MRC1: variants seen among roughly 807,000 people sequenced by gnomAD.
MRC1 encodes the protein macrophage mannose receptor 1.
Under a neutral mutation model 102.9 loss-of-function variants are expected in MRC1, and 62 were observed. The observed-to-expected ratio is 0.60, with a 90% CI of 0.49 to 0.74. The LOEUF is 0.74. Among genes scored for constraint, MRC1 ranks in the 30% least tolerant of loss-of-function variants. The pLI, the probability that MRC1 is intolerant of heterozygous loss-of-function variation, is 0.00. For synonymous variants in MRC1, 457 were observed against 298.4 expected (o/e 1.53, Z -5.48); for missense variants, 1,237 against 862.8 (o/e 1.43, Z -5.43).
At chr10:17,891,457 C>T (rs1474633488) in intron 22 of MRC1, among the ~76,000 whole-genome samples, 5 of 152,240 alleles carry the variant, frequency 3.3e-5, no homozygotes, top group East Asian at 3.9e-4. Context: ...TGAGCCATTG[C>T]GCCCGGTGCT....
chr10:17,885,983 C>A (rs992125062), intron 22 of MRC1, among the ~76,000 whole-genome samples: 3 of 152,134 alleles, frequency 2.0e-5, no homozygotes, highest in Non-Finnish European at 4.4e-5. Context: ...TTATCAACAT[C>A]AACACCATGT....
chr10:17,826,735 T>C (rs1053820842), intron 2 of MRC1, among the ~76,000 whole-genome samples: 14 of 152,232 alleles, frequency 9.2e-5, no homozygotes, highest in African/African-American at 3.1e-4. Flanking sequence ...AATGATTCTG[T>C]GTTTGTTTCA....
intron 3 of MRC1, among the ~76,000 whole-genome samples, chr10:17,831,711 A>C (rs1838576143): frequency 6.6e-6 from 1 of 151,656 alleles, no homozygotes; most frequent in African/African-American, 2.4e-5. Context: ...TGAAAAGATC[A>C]TTACTTCACA....
intron 6 of MRC1, among the ~76,000 whole-genome samples, chr10:17,849,316 A>G (rs542510355): frequency 2.1e-4 from 31 of 151,134 alleles, no homozygotes; most frequent in South Asian, 4.2e-4. Context: ...AAAAAAAAAA[A>G]AAAGAAAGAA....
Position 17,910,295 on chromosome 10 carries a change from A to T in MRC1, c.4201A>T (p.Thr1401Ser), listed in dbSNP as rs1833951703. ...CATCATTGTGATCCTCCTGATTTTA[A>T]CGGGTGCTGGCCTTGCCGCCTATTT... ...VVIIVILLIL[T>S]GAGLAAYFFY... Residue 1401 changes from threonine to serine, a missense_variant, in exon 30 of 30, where the codon ACG (threonine) becomes TCG (serine). By Grantham distance (58) the Thr-to-Ser change is moderately conservative. Coordinates refer to ENST00000569591, the MANE Select transcript of MRC1 (RefSeq NM_002438.4). 2.6e-6 allele frequency: 2 copies of T among 780,806 alleles called. No individual in the cohort carries two copies. The highest frequency in any genetic ancestry group is 4.8e-6 in the Non-Finnish European group (2 of 417,948). The allele number at this position is 780,806 out of a possible 1,614,324, so 48.4% of individuals were successfully genotyped here.
chr10:17,897,070 T>C (rs1833765438), intron 23 of MRC1, among the ~76,000 whole-genome samples: 1 of 152,306 alleles, frequency 6.6e-6, no homozygotes, highest in Middle Eastern at 3.4e-3. Flanking sequence ...AAGACTTTAT[T>C]TATGGACACA....
At chr10:17,820,741 C>G (rs1049297544) in intron 1 of MRC1, among the ~76,000 whole-genome samples, 1 of 151,966 alleles carries the variant, frequency 6.6e-6, no homozygotes, top group Non-Finnish European at 1.5e-5. Context: ...AATTTAGAGG[C>G]TAGTATAGTG....
chr10:17,856,215 T>G, intron 8 of MRC1, 27 bp from the exon 9 acceptor site: 1 of 825,192 alleles, frequency 1.2e-6, no homozygotes, highest in Non-Finnish European at 2.1e-6. Flanking sequence ...AATCCTTTAT[T>G]TTTTTCTCTC....
At position 17,910,338 on chromosome 10, in the gene MRC1, G is replaced by A. The variant is rs1009354996; in HGVS notation, c.4244G>A (p.Arg1415His). ...LAAYFFYKKR[R>H]VHLPQEGAFE... is the part of the protein sequence containing the mutation. ...GCCTATTTCTTTTATAAGAAAAGAC[G>A]TGTGCACCTACCTCAAGAGGGCGCC... Residue 1415 changes from arginine (R) to histidine (H), a missense_variant, in exon 30 of 30, where the codon CGT becomes CAT. Arg to His is a conservative substitution (Grantham distance 29, BLOSUM62 0). Transcript: ENST00000569591. 126,405 of 780,630 alleles carry A rather than the reference G, an allele frequency of 0.16. 12,538 individuals carry two copies. The highest frequency in any genetic ancestry group is 0.21 in the Non-Finnish European group (87,815 of 417,938). The allele number at this position is 780,630 out of a possible 1,614,324, so 48.4% of individuals were successfully genotyped here. A position where few individuals can be genotyped will look rare whatever the true frequency, so the allele number is the denominator to read the frequency against.
intron 9 of MRC1, among the ~76,000 whole-genome samples, chr10:17,859,398 A>C (rs1833145113): frequency 6.6e-6 from 1 of 150,654 alleles, no homozygotes; most frequent in Admixed American, 6.6e-5. Flanking sequence ...GCTCAGCGCA[A>C]CCTCTACCAC....
At chr10:17,814,746 C>T (rs1191961687) in intron 1 of MRC1, among the ~76,000 whole-genome samples, 3 of 138,214 alleles carry the variant, frequency 2.2e-5, no homozygotes, top group African/African-American at 2.8e-5. Context: ...AGTGCAGTGG[C>T]GCCATCTCGG....
In MRC1 at chr10:17,884,378, A is replaced by C. The variant is rs1324755273; in HGVS notation, c.2981-891A>C. Among the ~76,000 whole-genome samples, 9 of 152,274 alleles carry C rather than the reference A, an allele frequency of 5.9e-5. No homozygotes were observed. In the East Asian group the frequency reaches 1.2e-3, roughly 20 times the overall value. ...CCCCACCTCCCCAGGAGGAATCTCA[A>C]TTGGGAAACTTTTGGTTTGGCAATC... On this transcript the variant is annotated intron_variant, in intron 21 of 29. Coordinates refer to ENST00000569591, the MANE Select transcript of MRC1 (RefSeq NM_002438.4).
Position 17,870,893 on chromosome 10 carries a change from T to C in MRC1, c.2157T>C (p.Tyr719=), listed in dbSNP as rs879013221. ...YHKLFWLGLT[Y]GSPSEGFTWS... is the part of the protein sequence containing the mutation. Reference sequence around the variant, plus strand: ...AACTGTTTTGGTTGGGATTGACATATGGAAGCCCTTCAGAAGGTTTTACTT... The same window carrying C: ...AACTGTTTTGGTTGGGATTGACATACGGAAGCCCTTCAGAAGGTTTTACTT... Residue 719 remains tyrosine (Y), a synonymous_variant, in exon 14 of 30, where the codon TAT becomes TAC. Transcript: ENST00000569591. 10,489 of 872,370 alleles carry C rather than the reference T, an allele frequency of 0.012. 89 individuals are homozygous for C. The highest frequency in any genetic ancestry group is 0.017 in the Non-Finnish European group (8,404 of 501,144). 54.0% of individuals were successfully genotyped at this position (872,370 alleles called of 1,614,324 possible).
intron 28 of MRC1, among the ~76,000 whole-genome samples, chr10:17,908,460 A>T (rs1181714864): frequency 8.6e-5 from 13 of 151,478 alleles, no homozygotes; most frequent in Non-Finnish European, 1.6e-4. Context: ...TTTTTAGTAG[A>T]GACGGGGTAG....
rs782040060 is a variant in MRC1, at chr10:17,880,609, T to C, written c.2804T>C (p.Met935Thr). ...AGTAGTATCAATGCTACCACAGTTA[T>C]GCCTACCATGCCCTCGGTCCCATCA... is the stretch of plus-strand genomic sequence containing the variant. ...HNSSINATTV[M>T]PTMPSVPSGC... Residue 935 changes from methionine (M) to threonine (T), a missense_variant, in exon 20 of 30, where the codon ATG (methionine) becomes ACG (threonine). Physicochemically the swap from Met to Thr is moderately conservative, Grantham distance 81. Transcript: ENST00000569591. The C allele has an allele frequency of 5.4e-5, 42 of 780,740 alleles. No individual in the cohort carries two copies. The highest frequency in any genetic ancestry group is 9.8e-5 in the Non-Finnish European group (41 of 417,966). 48.4% of individuals were successfully genotyped at this position (780,740 alleles called of 1,614,324 possible).
At chr10:17,891,402 G>T (rs1247625877) in intron 22 of MRC1, among the ~76,000 whole-genome samples, 1 of 152,030 alleles carries the variant, frequency 6.6e-6, no homozygotes, top group Non-Finnish European at 1.5e-5. Flanking sequence ...TCCTGACCTC[G>T]TGATCTGCCC....
rs1381862141 is a variant in MRC1, at chr10:17,851,676, A to G, written c.1250-1291A>G. 2.6e-5 allele frequency among the ~76,000 whole-genome samples: 4 copies of G among 152,196 alleles called. 1 individual carries two copies. In the East Asian group the frequency reaches 7.7e-4, roughly 29 times the overall value. On this transcript the variant is annotated intron_variant, in intron 7 of 29. Transcript: ENST00000569591. Reference sequence around the variant, plus strand: ...GAGGTTAGTTTTTCTTTGATCTTCAATTTAAATCTTTGAGGGGTACATGAG... The same window carrying G: ...GAGGTTAGTTTTTCTTTGATCTTCAGTTTAAATCTTTGAGGGGTACATGAG...
chr10:17,835,532 G>A (rs1838649727), intron 4 of MRC1, among the ~76,000 whole-genome samples: 1 of 152,178 alleles, frequency 6.6e-6, no homozygotes, highest in Non-Finnish European at 1.5e-5. Context: ...TGAAGGCCAT[G>A]TGGAGATCGC....
chr10:17,867,849 A>G (rs1349435500), intron 12 of MRC1, among the ~76,000 whole-genome samples: 19 of 152,320 alleles, frequency 1.2e-4, no homozygotes, highest in African/African-American at 3.4e-4. Flanking sequence ...GTAATGCCAC[A>G]TAAGTATTCT....
Sources: gnomAD v4.1 joint callset for allele counts (sites outside exome capture counted in the v4.1 genomes callset) on GRCh38, gnomAD v4.1.1 for gene constraint, MANE v1.5 for transcripts, NCBI Gene and HGNC (gene_info 2026-07-23, HGNC 2026-07-21) for gene names.